The following CDKL5 variants were observed in gnomAD, a reference collection of about 807,000 sequenced individuals.
The protein encoded by CDKL5 is cyclin-dependent kinase-like 5.
A neutral mutation model predicts 61.7 loss-of-function variants in CDKL5; 8 were observed. The observed-to-expected ratio is 0.13, with a 90% CI of 0.08 to 0.23. CDKL5 has a LOEUF of 0.23. Among genes scored for constraint, CDKL5 ranks in the 10% least tolerant of loss-of-function variants. The probability of loss-of-function intolerance (pLI) is 1.00; values close to 1 mark genes in which losing one functional copy is unlikely to be tolerated. For synonymous variants in CDKL5, 275 were observed against 272.3 expected, an observed-to-expected ratio of 1.01 and a Z score of -0.10; for missense variants, 440 against 734.5, an observed-to-expected ratio of 0.60 and a Z score of 4.63.
At chrX:18,506,001 C>T (rs1243850711) in intron 1 of CDKL5, among the ~76,000 whole-genome samples, 1 of 112,844 alleles carries the variant, frequency 8.9e-6, no homozygotes, top group Non-Finnish European at 1.9e-5. Flanking sequence ...AAAGAGCTTT[C>T]TCTTCTCCCC....
chrX:18,493,254 TG>T (rs750336643), intron 1 of CDKL5, among the ~76,000 whole-genome samples: 69 of 112,343 alleles, frequency 6.1e-4, no homozygotes, highest in African/African-American at 1.8e-3. Context: ...TAATATTTAC[TG>T]TTTTATACTT....
chrX:18,644,972 C>T (rs1927720564), downstream of CDKL5, among the ~76,000 whole-genome samples: 1 of 112,107 alleles, frequency 8.9e-6, no homozygotes, highest in South Asian at 3.7e-4. Flanking sequence ...GACCACCAGC[C>T]CCTGCCCTCT....
At chrX:18,595,573 G>A in intron 10 of CDKL5, 145 bp downstream of exon 10, 1 of 463,084 alleles carries the variant, frequency 2.2e-6, no homozygotes, top group Non-Finnish European at 3.9e-6. Flanking sequence ...CATATTAAAA[G>A]GCATGTAACT....
intron 3 of CDKL5, among the ~76,000 whole-genome samples, chrX:18,526,964 G>T (rs1427519311): frequency 9.0e-6 from 1 of 110,512 alleles, no homozygotes; most frequent in African/African-American, 3.3e-5. Context: ...TGTATTTTTA[G>T]TAAAGATGGG....
Position 18,581,972 on chromosome X carries a change from T to C in CDKL5, c.463+22T>C, listed in dbSNP as rs267608478. 3.9e-4 allele frequency: 409 copies of C among 1,044,977 alleles called. 1 individual carries two copies. Among genetic ancestry groups the C allele is most frequent in the Middle Eastern group, 5.2e-4 (2 of 3,854 alleles). The allele number at this position is 1,044,977 out of a possible 1,213,427, so 86.1% of individuals were successfully genotyped here. ...TTTGGTAAGTTAAAAAGAAATTAAGTCCTGGTACTTACAGAATTAATTTAT... is the reference window on the plus strand; with the variant it reads ...TTTGGTAAGTTAAAAAGAAATTAAGCCCTGGTACTTACAGAATTAATTTAT... On this transcript the variant is annotated intron_variant, in intron 7 of 17. Coordinates refer to ENST00000623535, the MANE Select transcript of CDKL5 (RefSeq NM_001323289.2).
chrX:18,531,878 T>C (rs1189281455), intron 3 of CDKL5, among the ~76,000 whole-genome samples: 1 of 107,101 alleles, frequency 9.3e-6, no homozygotes, highest in East Asian at 2.9e-4. Context: ...GGCTAATTTT[T>C]TGTATTTTTA....
chrX:18,578,686 G>T (rs1311840163), intron 5 of CDKL5, among the ~76,000 whole-genome samples: 1 of 111,956 alleles, frequency 8.9e-6, no homozygotes, highest in Non-Finnish European at 1.9e-5. Context: ...AGCTCATTCA[G>T]CTTGCATCTC....
At chrX:18,433,103 C>T (rs1569181724) in intron 1 of CDKL5, among the ~76,000 whole-genome samples, 1 of 108,191 alleles carries the variant, frequency 9.2e-6, no homozygotes, top group Non-Finnish European at 1.9e-5. Flanking sequence ...TGGTGTGCAC[C>T]TGTAGGCCCA....
chrX:18,606,259 A>G (rs887646084), intron 12 of CDKL5, among the ~76,000 whole-genome samples: 1 of 111,941 alleles, frequency 8.9e-6, no homozygotes, highest in Admixed American at 9.4e-5. Flanking sequence ...CACTGGCTAT[A>G]AATAGGAACT....
At chrX:18,567,983 G>A (rs1276063714) in intron 4 of CDKL5, among the ~76,000 whole-genome samples, 1 of 111,824 alleles carries the variant, frequency 8.9e-6, no homozygotes, top group Admixed American at 9.5e-5. Context: ...CTATAGTTGG[G>A]CAAAATCATA....
At chrX:18,555,744 T>TA (rs1924579848) in intron 3 of CDKL5, among the ~76,000 whole-genome samples, 1 of 112,338 alleles carries the variant, frequency 8.9e-6, no homozygotes, top group South Asian at 3.7e-4. Context: ...GACTTCTATG[T>TA]ATATAAGACA....
At chrX:18,647,368 C>G in intron 20 of CDKL5, 4 of 1,192,463 alleles carry the variant, frequency 3.4e-6, no homozygotes, top group Non-Finnish European at 4.6e-6. Flanking sequence ...TCACACATAT[C>G]TCAATACTCA....
intron 8 of CDKL5, among the ~76,000 whole-genome samples, chrX:18,587,321 C>T (rs921064978): frequency 7.2e-5 from 8 of 111,472 alleles, no homozygotes; most frequent in Non-Finnish European, 1.5e-4. Flanking sequence ...AAGCTATAAA[C>T]CCCTAAATAA....
chrX:18,631,491 C>G lies in CDKL5; in HGVS notation c.*2734C>G, dbSNP rs1320262368. ...CTTAGCTTTTAACTGTTGTTTTCCC[C>G]TGTTGATGAAAAATTACTGACATCA... On this transcript the variant is annotated 3_prime_UTR_variant, in exon 18 of 18. Transcript: ENST00000623535. 1 of 754,233 alleles carries G rather than the reference C, an allele frequency of 1.3e-6. No individual in the cohort carries two copies. The highest frequency in any genetic ancestry group is 1.6e-6 in the Non-Finnish European group (1 of 639,281). The allele number at this position is 754,233 out of a possible 1,213,427, so 62.2% of individuals were successfully genotyped here.
At chrX:18,492,903 A>G (rs956005415) in intron 1 of CDKL5, among the ~76,000 whole-genome samples, 30 of 111,363 alleles carry the variant, frequency 2.7e-4, no homozygotes, top group African/African-American at 9.2e-4. Context: ...TTCTTGTTCA[A>G]AACCCTCCTG....
intron 1 of CDKL5, among the ~76,000 whole-genome samples, chrX:18,448,936 A>G (rs1189459666): frequency 5.4e-5 from 6 of 110,819 alleles, no homozygotes; most frequent in Admixed American, 9.6e-5. Context: ...GCTCACTGCA[A>G]CCTCTGCCTC....
At chrX:18,551,577 T>TATC (rs1924388266) in intron 3 of CDKL5, among the ~76,000 whole-genome samples, 1 of 98,314 alleles carries the variant, frequency 1.0e-5, no homozygotes, top group African/African-American at 3.7e-5. Context: ...TTATTATTAT[T>TATC]ATTATTATTA....
intron 3 of CDKL5, among the ~76,000 whole-genome samples, chrX:18,560,776 T>TACACAC (rs57724882): frequency 1.3e-4 from 14 of 104,239 alleles, no homozygotes; most frequent in African/African-American, 4.9e-4. Flanking sequence ...ATTCAAAAAA[T>TACACAC]ACACACACAC....
intron 3 of CDKL5, among the ~76,000 whole-genome samples, chrX:18,552,875 C>G (rs1483555377): frequency 9.0e-6 from 1 of 111,330 alleles, no homozygotes; most frequent in East Asian, 2.8e-4. Context: ...GGAAGAGCTA[C>G]CTGGCCTGCC....
Sources: gnomAD v4.1 joint callset for allele counts (sites outside exome capture counted in the v4.1 genomes callset) on GRCh38, gnomAD v4.1.1 for gene constraint, MANE v1.5 for transcripts, NCBI Gene and HGNC (gene_info 2026-07-23, HGNC 2026-07-21) for gene names.